Variants in RGS6 observed in about 807,000 individuals in gnomAD.
RGS6 encodes the protein regulator of G protein signaling 6.
In RGS6, 30 loss-of-function variants were observed where a neutral mutation model predicts 78.5. The observed-to-expected ratio is 0.38, with a 90% confidence interval of 0.29 to 0.52. The LOEUF is 0.52. Among genes scored for constraint, RGS6 ranks in the 20% least tolerant of loss-of-function variants. RGS6 has a pLI of 0.85. For missense variants in RGS6, 495 were observed against 609.7 expected, an observed-to-expected ratio of 0.81 and a Z score of 1.98; for synonymous variants, 206 against 206.0, an observed-to-expected ratio of 1.00 and a Z score of 0.00.
intron 2 of RGS6, among the ~76,000 whole-genome samples, chr14:72,136,414 A>AT (rs200378666): frequency 0.014 from 2,117 of 152,286 alleles, 45 homozygotes; most frequent in Admixed American, 0.063. Context: ...TGGGTAATTT[A>AT]AAAGGAAAGA....
intron 2 of RGS6, among the ~76,000 whole-genome samples, chr14:72,132,983 A>T (rs1427275405): frequency 6.6e-6 from 1 of 152,156 alleles, no homozygotes; most frequent in Admixed American, 6.5e-5. Context: ...TTTATTTTCA[A>T]AGCCATAGTT....
At chr14:72,440,382 A>G in intron 3 of RGS6, among the ~76,000 whole-genome samples, 1 of 150,870 alleles carries the variant, frequency 6.6e-6, no homozygotes, top group East Asian at 2.0e-4. Context: ...GAAGCTGAGC[A>G]TATGAGTGAT....
intron 2 of RGS6, among the ~76,000 whole-genome samples, chr14:72,111,731 G>T (rs777575004): frequency 6.6e-6 from 1 of 152,114 alleles, no homozygotes; most frequent in Non-Finnish European, 1.5e-5. Flanking sequence ...TATGTGGCCA[G>T]CAGCATTCGC....
In RGS6 at chr14:72,057,312, T is replaced by TG. The variant is rs1298989830; in HGVS notation, c.84+92438dup. 4.0e-3 allele frequency among the ~76,000 whole-genome samples: 283 copies of TG among 70,954 alleles called. 2 individuals carry two copies. Among genetic ancestry groups the TG allele is most frequent in the African/African-American group, 0.021 (278 of 12,986 alleles). 46.5% of individuals were successfully genotyped at this position (70,954 alleles called of 152,430 possible). ...CTGAGTGACAGAGTGAGACTCTATC[T>TG]GAAAAAAAAAAAAAAAAAAAAAAAA... On this transcript the variant is annotated intron_variant, in intron 2 of 17. Coordinates refer to ENST00000553525, the MANE Select transcript of RGS6 (RefSeq NM_001204424.2).
chr14:72,469,803 T>C (rs1444302123), intron 7 of RGS6: 2 of 504,076 alleles, frequency 4.0e-6, no homozygotes, highest in Non-Finnish European at 7.0e-6. Context: ...ACTTAATGGG[T>C]GTGTAAATGA....
chr14:72,540,756 G>C (rs578182363), intron 17 of RGS6: 15 of 985,306 alleles, frequency 1.5e-5, no homozygotes, highest in Non-Finnish European at 1.8e-5. Flanking sequence ...GGTACTCCCC[G>C]GGGGCAAGGT....
chr14:72,542,447 TAA>T (rs987737559), intron 17 of RGS6, among the ~76,000 whole-genome samples: 9 of 152,224 alleles, frequency 5.9e-5, no homozygotes, highest in Non-Finnish European at 1.2e-4. Context: ...TTGATTTCTC[TAA>T]GAGAAGATCT....
chr14:72,620,398 C>G, the RGS6 span, among the ~76,000 whole-genome samples: 1 of 152,226 alleles, frequency 6.6e-6, no homozygotes, highest in Non-Finnish European at 1.5e-5. Flanking sequence ...CTGGACTCCA[C>G]TCTCTCCATC....
At chr14:72,429,378 C>A (rs181926286) in intron 3 of RGS6, among the ~76,000 whole-genome samples, 2 of 152,064 alleles carry the variant, frequency 1.3e-5, no homozygotes, top group African/African-American at 2.4e-5. Flanking sequence ...TCTTGAAAAA[C>A]AAAAAGAAGT....
In RGS6 at chr14:71,936,928, G is replaced by C. The variant is rs1253277947; in HGVS notation, c.-21+3987G>C. Among the ~76,000 whole-genome samples the C allele has an allele frequency of 4.6e-5, 7 of 152,188 alleles. No individual in the cohort carries two copies. In the East Asian group the frequency reaches 1.3e-3, roughly 29 times the overall value. On this transcript the variant is annotated intron_variant, in intron 1 of 17. Coordinates refer to ENST00000553525, the MANE Select transcript of RGS6 (RefSeq NM_001204424.2). ...TTTGCCTACAGCAAGCACCTCAGCA[G>C]GTTCTTTTCCCTGGTGGAGTGACCC...
chr14:71,953,378 T>C (rs2092512384), intron 1 of RGS6, among the ~76,000 whole-genome samples: 2 of 152,190 alleles, frequency 1.3e-5, no homozygotes, highest in South Asian at 4.1e-4. Flanking sequence ...GAAGTGATCA[T>C]AGACAATAAG....
chr14:71,921,924 G>A, the RGS6 span, among the ~76,000 whole-genome samples: 2 of 152,162 alleles, frequency 1.3e-5, no homozygotes, highest in Admixed American at 1.3e-4. Context: ...CTTATGGTTG[G>A]CAGATTCTCC....
chr14:72,205,359 C>G (rs2153745706), intron 2 of RGS6, among the ~76,000 whole-genome samples: 1 of 152,306 alleles, frequency 6.6e-6, no homozygotes, highest in South Asian at 2.1e-4. Flanking sequence ...GAATAAGAAA[C>G]AGTTACTTCC....
chr14:72,574,106 T>C, the RGS6 span, among the ~76,000 whole-genome samples: 1 of 152,102 alleles, frequency 6.6e-6, no homozygotes, highest in Admixed American at 6.5e-5. Flanking sequence ...ACATACAACA[T>C]CCACAATGCC....
chr14:72,416,703 C>T (rs931488901), intron 3 of RGS6, among the ~76,000 whole-genome samples: 1 of 152,174 alleles, frequency 6.6e-6, no homozygotes, highest in Non-Finnish European at 1.5e-5. Context: ...GGAAATGATC[C>T]TCTGAAGTCA....
At chr14:71,902,938 AC>A in the RGS6 span, among the ~76,000 whole-genome samples, 2 of 152,230 alleles carry the variant, frequency 1.3e-5, no homozygotes, top group Non-Finnish European at 2.9e-5. Flanking sequence ...CGGTTTCTAA[AC>A]CTGGGATCAA....
Position 71,981,315 on chromosome 14 carries a change from C to T in RGS6, c.84+16440C>T, listed in dbSNP as rs1008905817. Among the ~76,000 whole-genome samples the T allele has an allele frequency of 3.1e-4, 47 of 152,244 alleles. 1 individual carries two copies. The highest frequency in any genetic ancestry group is 9.2e-4 in the African/African-American group (38 of 41,530). The stretch of plus-strand genomic sequence containing the variant: ...TTCCGTTGCTGGTGAGGAACTGCTT[C>T]CCTTTGGAGGAGGAGAGGCGCTCTG... On this transcript the variant is annotated intron_variant, in intron 2 of 17. Coordinates refer to ENST00000553525, the MANE Select transcript of RGS6 (RefSeq NM_001204424.2).
intron 2 of RGS6, 25 bp from the exon 3 acceptor site, chr14:72,352,070 A>G (rs1053840281): frequency 4.6e-6 from 7 of 1,530,794 alleles, no homozygotes; most frequent in African/African-American, 1.4e-5. Flanking sequence ...AGAAAATAAC[A>G]CTTCTTTTCT....
At chr14:72,547,377 C>A (rs975695628) in intron 17 of RGS6, 6 of 1,390,198 alleles carry the variant, frequency 4.3e-6, no homozygotes, top group East Asian at 5.8e-5. Flanking sequence ...AGTAAGACCC[C>A]CCCCCGACCC....
Sources: allele counts gnomAD v4.1 joint callset (sites outside exome capture counted in the v4.1 genomes callset), GRCh38; gene constraint gnomAD v4.1.1; transcripts MANE v1.5; gene names NCBI Gene and HGNC (gene_info 2026-07-23, HGNC 2026-07-21).